AFF1: variants seen among roughly 807,000 people sequenced by gnomAD.
AFF1 encodes the protein ALF transcription elongation factor 1.
A neutral mutation model predicts 121.7 loss-of-function variants in AFF1; 48 were observed. The ratio of observed to expected loss-of-function variants is 0.39; its 90% CI spans 0.31 to 0.50. The LOEUF (loss-of-function observed/expected upper bound fraction) is 0.50. AFF1 is among the 20% of genes least tolerant of loss of function. The pLI, the probability that AFF1 is intolerant of heterozygous loss-of-function variation, is 0.76. For synonymous variants in AFF1, 613 were observed against 563.0 expected (o/e 1.09, Z -1.26); for missense variants, 1,523 against 1,511.7 (o/e 1.01, Z -0.12).
intron 2 of AFF1, among the ~76,000 whole-genome samples, chr4:86,981,690 G>C (rs1045242402): frequency 1.6e-4 from 25 of 152,252 alleles, no homozygotes; most frequent in Middle Eastern, 3.4e-3. Flanking sequence ...GTTTTAAATA[G>C]CTCCAGCCCC....
At chr4:87,119,076 G>A (rs542157168) in intron 12 of AFF1, among the ~76,000 whole-genome samples, 46 of 152,088 alleles carry the variant, frequency 3.0e-4, no homozygotes, top group African/African-American at 1.1e-3. Context: ...TCCAGTCAGG[G>A]TGGGTGGGCC....
chr4:87,092,594 T>C (rs1361503588), intron 7 of AFF1, among the ~76,000 whole-genome samples: 4 of 152,120 alleles, frequency 2.6e-5, no homozygotes. Context: ...TAAAGTTTTA[T>C]TGGGACATAG....
Position 86,953,823 on chromosome 4 carries a change from G to A in AFF1, c.38+5252G>A, listed in dbSNP as rs572711495. ...GAACCTCCATCTCCTGGGTTCAAGCGATTCTCCTGCTTCAGCCTCCCGAGT... is the reference window on the plus strand; with the variant it reads ...GAACCTCCATCTCCTGGGTTCAAGCAATTCTCCTGCTTCAGCCTCCCGAGT... On this transcript the variant is annotated intron_variant, in intron 2 of 20. Coordinates refer to ENST00000395146, the MANE Select transcript of AFF1 (RefSeq NM_001166693.3). Among the ~76,000 whole-genome samples the A allele has an allele frequency of 2.9e-4, 44 of 151,976 alleles. No individual in the cohort carries two copies. In the South Asian group the frequency reaches 3.3e-3, roughly 12 times the overall value.
intron 2 of AFF1, among the ~76,000 whole-genome samples, chr4:87,041,367 G>T (rs1730127697): frequency 1.3e-5 from 2 of 152,078 alleles, no homozygotes; most frequent in Non-Finnish European, 2.9e-5. Context: ...TTGTATTTTG[G>T]TAAGCCCCAA....
intron 11 of AFF1, among the ~76,000 whole-genome samples, chr4:87,113,591 C>T (rs1402135604): frequency 1.3e-5 from 2 of 152,120 alleles, no homozygotes; most frequent in Non-Finnish European, 2.9e-5. Flanking sequence ...TTAAAGAGTT[C>T]ACGTGGGATT....
intron 2 of AFF1, among the ~76,000 whole-genome samples, chr4:86,981,164 C>G (rs1389405840): frequency 1.3e-5 from 2 of 151,986 alleles, no homozygotes; most frequent in Non-Finnish European, 2.9e-5. Flanking sequence ...AGGTGCCCAC[C>G]ACCAAGCACG....
At chr4:87,043,833 TTTTG>T (rs1730398581) in intron 2 of AFF1, among the ~76,000 whole-genome samples, 1 of 152,146 alleles carries the variant, frequency 6.6e-6, no homozygotes, top group African/African-American at 2.4e-5. Context: ...TTCTTTTTTT[TTTTG>T]AGACGGAGTC....
In AFF1 at chr4:87,127,704, GT is replaced by G; in HGVS notation, c.2964+3del. 1.9e-6 allele frequency: 3 copies of G among 1,614,100 alleles called. No individual in the cohort carries two copies. Among genetic ancestry groups the G allele is most frequent in the Non-Finnish European group, 2.5e-6 (3 of 1,180,002 alleles). ...GATGAAGCAGAAAGCAGAGTTAATG[GT>G]TAGTATTGGCCCTTTATCTCTTTGG... is the stretch of plus-strand genomic sequence containing the variant. On this transcript the variant is annotated splice_donor_variant, in intron 16 of 20. Transcript: ENST00000395146. LOFTEE classifies it high-confidence loss of function.
intron 5 of AFF1, among the ~76,000 whole-genome samples, chr4:87,086,932 A>T (rs887689204): frequency 3.9e-5 from 6 of 152,188 alleles, no homozygotes; most frequent in Admixed American, 2.6e-4. Context: ...GTTGTAATGA[A>T]GGGGAAGTGG....
chr4:86,997,636 C>T (rs1459621690), intron 2 of AFF1, among the ~76,000 whole-genome samples: 1 of 151,918 alleles, frequency 6.6e-6, no homozygotes, highest in African/African-American at 2.4e-5. Flanking sequence ...GTGACGGGCG[C>T]CTGTAGTCCC....
chr4:87,108,453 G>C, intron 11 of AFF1, 138 bp downstream of exon 11: 2 of 861,134 alleles, frequency 2.3e-6, no homozygotes, highest in Non-Finnish European at 3.4e-6. Context: ...CTGCTCCTAT[G>C]CTGTCTAGAG....
chr4:87,105,092 A>G (rs1033321162), intron 8 of AFF1, among the ~76,000 whole-genome samples: 1 of 152,228 alleles, frequency 6.6e-6, no homozygotes, highest in African/African-American at 2.4e-5. Flanking sequence ...CTTACTGTGT[A>G]TTTAATTCTA....
chr4:87,000,496 GTAGTGT>G (rs1279308495), intron 2 of AFF1, among the ~76,000 whole-genome samples: 3 of 152,116 alleles, frequency 2.0e-5, no homozygotes, highest in Non-Finnish European at 4.4e-5. Context: ...GTGGTCAATG[GTAGTGT>G]AAGATATAAA....
intron 4 of AFF1, among the ~76,000 whole-genome samples, chr4:87,072,940 G>GT (rs1385973143): frequency 6.6e-6 from 1 of 152,042 alleles, no homozygotes; most frequent in East Asian, 1.9e-4. Context: ...GTAAATCAGT[G>GT]TATCAGATGA....
At chr4:87,106,978 A>G (rs1367235071) in intron 10 of AFF1, among the ~76,000 whole-genome samples, 3 of 152,198 alleles carry the variant, frequency 2.0e-5, no homozygotes, top group African/African-American at 4.8e-5. Context: ...CCTAACTTCT[A>G]AAAGTGGAGG....
intron 4 of AFF1, among the ~76,000 whole-genome samples, chr4:87,060,835 C>CAAAAAAAAAAAAAAAA (rs749186199): frequency 5.8e-4 from 36 of 62,194 alleles, no homozygotes; most frequent in Non-Finnish European, 9.0e-4. Context: ...GACTCTGTCT[C>CAAAAAAAAAAAAAAAA]AAAAAAAAAA....
chr4:86,958,124 A>G (rs1217496892), intron 2 of AFF1, among the ~76,000 whole-genome samples: 6 of 88,038 alleles, frequency 6.8e-5, no homozygotes, highest in Non-Finnish European at 1.3e-4. Flanking sequence ...ACGGAGTTTC[A>G]CTCTTGTTGC....
intron 1 of AFF1, among the ~76,000 whole-genome samples, chr4:86,938,108 A>G (rs1720175454): frequency 6.6e-6 from 1 of 152,188 alleles, no homozygotes; most frequent in Non-Finnish European, 1.5e-5. Context: ...ACCATTAACT[A>G]ATTTTTTGGG....
At chr4:86,951,623 C>CTTTTTTTTTTTTTTTTTTTTTTTTTTTT (rs1285365564) in intron 2 of AFF1, among the ~76,000 whole-genome samples, 1 of 69,418 alleles carries the variant, frequency 1.4e-5, no homozygotes, top group African/African-American at 4.6e-5. Flanking sequence ...TTCTTTTTTT[C>CTTTTTTTTTTTTTTTTTTTTTTTTTTTT]TTTTTTTTTT....
Sources: gnomAD v4.1 joint callset for allele counts (sites outside exome capture counted in the v4.1 genomes callset) on GRCh38, gnomAD v4.1.1 for gene constraint, MANE v1.5 for transcripts, NCBI Gene and HGNC (gene_info 2026-07-23, HGNC 2026-07-21) for gene names.